Variants in TMEM178B observed in about 807,000 individuals in gnomAD.
TMEM178B encodes transmembrane protein 178B.
TMEM178B carries 5 observed loss-of-function variants against 31.0 expected under a neutral mutation model. The observed-to-expected ratio is 0.16, with a 90% CI of 0.08 to 0.34. TMEM178B has a LOEUF of 0.34. Among genes scored for constraint, TMEM178B ranks in the 10% least tolerant of loss-of-function variants. The pLI is 1.00. For missense variants in TMEM178B, 275 were observed against 400.3 expected (o/e 0.69, Z 2.67); for synonymous variants, 164 against 164.0 (o/e 1.00, Z 0.00).
At chr7:141,146,186 T>A (rs1426689108) in intron 1 of TMEM178B, among the ~76,000 whole-genome samples, 1 of 152,196 alleles carries the variant, frequency 6.6e-6, no homozygotes, top group Non-Finnish European at 1.5e-5. Flanking sequence ...GTGGCAGAGC[T>A]AGGATTTGGG....
chr7:141,293,539 C>A (rs1272241731), intron 2 of TMEM178B, among the ~76,000 whole-genome samples: 2 of 151,988 alleles, frequency 1.3e-5, no homozygotes, highest in Non-Finnish European at 2.9e-5. Flanking sequence ...GGAATGGTGG[C>A]TAAGAGTGGG....
intron 2 of TMEM178B, among the ~76,000 whole-genome samples, chr7:141,433,712 G>A (rs1801481378): frequency 6.6e-6 from 1 of 152,086 alleles, no homozygotes; most frequent in Non-Finnish European, 1.5e-5. Context: ...TAATTTCTTT[G>A]GATATTGCTC....
At chr7:141,423,311 G>C (rs931218854) in intron 2 of TMEM178B, among the ~76,000 whole-genome samples, 1 of 152,244 alleles carries the variant, frequency 6.6e-6, no homozygotes, top group Non-Finnish European at 1.5e-5. Flanking sequence ...TTACAGGCGT[G>C]AGCCACCATG....
chr7:141,322,496 C>T (rs1374054193), intron 2 of TMEM178B, among the ~76,000 whole-genome samples: 4 of 152,274 alleles, frequency 2.6e-5, no homozygotes, highest in East Asian at 3.9e-4. Context: ...GATTGCACCA[C>T]TGCACTCCAG....
In TMEM178B at chr7:141,164,793, C is replaced by T. The variant is rs144095417; in HGVS notation, c.383-47798C>T. On this transcript the variant is annotated intron_variant, in intron 1 of 3. Transcript: ENST00000565468. Reference sequence around the variant, plus strand: ...GGGCTGATAAGAGGGCAATGAGTGTCGTCATTAGGGATCTAGGCCTCCATC... The same window carrying T: ...GGGCTGATAAGAGGGCAATGAGTGTTGTCATTAGGGATCTAGGCCTCCATC... Among the ~76,000 whole-genome samples, 7 of 152,112 alleles carry T rather than the reference C, an allele frequency of 4.6e-5. No individual in the cohort carries two copies. In the East Asian group the frequency reaches 7.7e-4, roughly 17 times the overall value.
intron 1 of TMEM178B, among the ~76,000 whole-genome samples, chr7:141,107,754 G>T (rs866686423): frequency 1.3e-5 from 2 of 152,200 alleles, no homozygotes; most frequent in African/African-American, 4.8e-5. Context: ...ATCTGAACTG[G>T]AGATACAAAT....
intron 2 of TMEM178B, among the ~76,000 whole-genome samples, chr7:141,250,704 G>A (rs1398634256): frequency 6.6e-6 from 1 of 152,100 alleles, no homozygotes; most frequent in Admixed American, 6.5e-5. Flanking sequence ...ACCTGGCCAC[G>A]TGTGGTTCTT....
chr7:141,460,424 T>C (rs547778511), intron 3 of TMEM178B, among the ~76,000 whole-genome samples: 1 of 152,206 alleles, frequency 6.6e-6, no homozygotes, highest in Non-Finnish European at 1.5e-5. Context: ...AATTATCTCT[T>C]TAAGAGCCCA....
intron 3 of TMEM178B, among the ~76,000 whole-genome samples, chr7:141,460,329 G>C (rs1337224960): frequency 6.6e-6 from 1 of 152,172 alleles, no homozygotes; most frequent in Non-Finnish European, 1.5e-5. Flanking sequence ...GCACGCACCT[G>C]GTGTCTCTTT....
At chr7:141,128,528 A>G (rs1795542089) in intron 1 of TMEM178B, among the ~76,000 whole-genome samples, 1 of 152,120 alleles carries the variant, frequency 6.6e-6, no homozygotes, top group Non-Finnish European at 1.5e-5. Flanking sequence ...AACATCAATT[A>G]ACTTGGATCC....
At chr7:141,216,334 G>A (rs1797145641) in intron 2 of TMEM178B, among the ~76,000 whole-genome samples, 1 of 151,974 alleles carries the variant, frequency 6.6e-6, no homozygotes, top group Admixed American at 6.5e-5. Flanking sequence ...CAGGTGAAAG[G>A]GTAGAAGATT....
chr7:141,368,138 G>T (rs1481012422), intron 2 of TMEM178B, among the ~76,000 whole-genome samples: 1 of 152,188 alleles, frequency 6.6e-6, no homozygotes, highest in Non-Finnish European at 1.5e-5. Context: ...GGCCAACATG[G>T]TGAAACCCCA....
At chr7:141,447,116 A>G (rs1801773753) in intron 3 of TMEM178B, among the ~76,000 whole-genome samples, 1 of 152,198 alleles carries the variant, frequency 6.6e-6, no homozygotes, top group Non-Finnish European at 1.5e-5. Context: ...GAAGAGCAGG[A>G]TAAAGTCCTC....
chr7:141,398,601 G>C (rs1800698668), intron 2 of TMEM178B, among the ~76,000 whole-genome samples: 1 of 152,176 alleles, frequency 6.6e-6, no homozygotes, highest in African/African-American at 2.4e-5. Flanking sequence ...TTTTCACTGG[G>C]ACATCTGCAA....
At chr7:141,239,503 G>A (rs532062856) in intron 2 of TMEM178B, among the ~76,000 whole-genome samples, 1 of 152,280 alleles carries the variant, frequency 6.6e-6, no homozygotes, top group East Asian at 1.9e-4. Flanking sequence ...GCTTGGAAAG[G>A]GTCATACCTT....
chr7:141,080,841 C>T (rs1435064209), intron 1 of TMEM178B, among the ~76,000 whole-genome samples: 1 of 152,108 alleles, frequency 6.6e-6, no homozygotes, highest in African/African-American at 2.4e-5. Context: ...TTCTTATGGC[C>T]TAGTGACATC....
chr7:141,269,903 A>G (rs543453727), intron 2 of TMEM178B, among the ~76,000 whole-genome samples: 1 of 152,238 alleles, frequency 6.6e-6, no homozygotes, highest in East Asian at 1.9e-4. Context: ...CATCTCTACT[A>G]AAAATACAAA....
At chr7:141,347,005 G>A (rs1418734422) in intron 2 of TMEM178B, among the ~76,000 whole-genome samples, 1 of 152,074 alleles carries the variant, frequency 6.6e-6, no homozygotes, top group Non-Finnish European at 1.5e-5. Flanking sequence ...GATGGTTTAA[G>A]TGTGGTGCCT....
At chr7:141,164,957 G>A (rs1162912780) in intron 1 of TMEM178B, among the ~76,000 whole-genome samples, 1 of 152,158 alleles carries the variant, frequency 6.6e-6, no homozygotes, top group East Asian at 1.9e-4. Flanking sequence ...GGGAAGGGTA[G>A]CACTTGCCTC....
Sources: gnomAD v4.1 joint callset for allele counts (sites outside exome capture counted in the v4.1 genomes callset) on GRCh38, gnomAD v4.1.1 for gene constraint, MANE v1.5 for transcripts, NCBI Gene and HGNC (gene_info 2026-07-23, HGNC 2026-07-21) for gene names.